The following ANK3 variants were observed in gnomAD, a reference collection of about 807,000 sequenced individuals.
ANK3 encodes ankyrin 3.
In ANK3, 57 loss-of-function variants were observed where a neutral mutation model predicts 370.9. The observed-to-expected ratio is 0.15, with a 90% CI of 0.12 to 0.19. The LOEUF (loss-of-function observed/expected upper bound fraction) is 0.19, where lower values mean the gene tolerates loss of function less well. Among genes scored for constraint, ANK3 ranks in the 10% least tolerant of loss-of-function variants. ANK3 has a pLI of 1.00. For synonymous variants in ANK3, 1,929 were observed against 1,946.3 expected, an observed-to-expected ratio of 0.99 and a Z score of 0.23; for missense variants, 4,439 against 5,302.1, an observed-to-expected ratio of 0.84 and a Z score of 5.06.
intron 1 of ANK3, among the ~76,000 whole-genome samples, chr10:60,332,904 T>C (rs1020403946): frequency 6.6e-6 from 1 of 152,180 alleles, no homozygotes; most frequent in South Asian, 2.1e-4. Flanking sequence ...GGAGGATTAA[T>C]AGAAATAAGA....
At chr10:60,602,485 C>T (rs1430744438) in intron 2 of ANK3, among the ~76,000 whole-genome samples, 1 of 152,112 alleles carries the variant, frequency 6.6e-6, no homozygotes, top group African/African-American at 2.4e-5. Flanking sequence ...TTGGAATTAT[C>T]CCCAAGGATA....
intron 2 of ANK3, among the ~76,000 whole-genome samples, chr10:60,493,437 G>T (rs1228360802): frequency 6.6e-6 from 1 of 152,120 alleles, no homozygotes; most frequent in East Asian, 1.9e-4. Flanking sequence ...ATGAGCACAA[G>T]AGAAGGGAAG....
Position 60,261,914 on chromosome 10 carries a change from A to G in ANK3, c.743T>C (p.Ile248Thr), listed in dbSNP as rs1367665291. The change falls in exon 7 of 44, where the codon ATC becomes ACC. Residue 248 changes from isoleucine (I) to threonine (T), a missense_variant. By Grantham distance (89) the Ile-to-Thr change is moderately conservative (BLOSUM62 -1). This residue lies in a region of ANK3 where 227 missense variants were observed against 377.6 expected (regional missense o/e 0.60). Transcript: ENST00000280772. ...PLHIAAHYGN[I>T]NVATLLLNRA... ...GTTTAACAGCAACGTGGCTACATTG[A>G]TATTTCCATAGTGAGCAGCTATGTG... The G allele has an allele frequency of 1.2e-6, 2 of 1,614,122 alleles. No individual in the cohort carries two copies. The highest frequency in any genetic ancestry group is 1.7e-6 in the Non-Finnish European group (2 of 1,179,982).
rs908693546 is a variant in ANK3, at chr10:60,694,115, G to A, written c.57+39148C>T. Among the ~76,000 whole-genome samples the A allele has an allele frequency of 4.7e-4, 71 of 152,228 alleles. 1 individual carries two copies. The highest frequency in any genetic ancestry group is 1.7e-3 in the African/African-American group (69 of 41,522). The stretch of plus-strand genomic sequence containing the variant: ...TATGTGAAGAATGCAGAAGCCTCAG[G>A]AGCCGATGCGATCAACTGGAAGAAA... On this transcript the variant is annotated intron_variant, in intron 1 of 43. Transcript: ENST00000373827.
At chr10:60,346,787 A>G (rs7096426) in intron 1 of ANK3, among the ~76,000 whole-genome samples, 105,845 of 151,614 alleles carry the variant, frequency 0.7, 38,220 homozygotes, top group South Asian at 0.91. Context: ...AACTAACTTC[A>G]TTTTACCAAT....
intron 23 of ANK3, among the ~76,000 whole-genome samples, chr10:60,163,620 AG>A: frequency 6.6e-6 from 1 of 152,358 alleles, no homozygotes; most frequent in East Asian, 1.9e-4. Flanking sequence ...AAGAAGAAAA[AG>A]GAAAAGAGAA....
chr10:60,256,904 T>A (rs969122520), intron 7 of ANK3, among the ~76,000 whole-genome samples: 5 of 152,240 alleles, frequency 3.3e-5, no homozygotes, highest in Middle Eastern at 3.2e-3. Flanking sequence ...TCTGTGTCTT[T>A]GCTATCATAA....
chr10:60,337,034 A>ACC (rs202227829), intron 1 of ANK3, among the ~76,000 whole-genome samples: 1 of 151,784 alleles, frequency 6.6e-6, no homozygotes, highest in Non-Finnish European at 1.5e-5. Context: ...TTTAAAAAAA[A>ACC]AAACAAACAG....
chr10:60,459,130 G>C (rs1428978914), intron 2 of ANK3, among the ~76,000 whole-genome samples: 1 of 152,096 alleles, frequency 6.6e-6, no homozygotes, highest in African/African-American at 2.4e-5. Flanking sequence ...GGCTTACGAG[G>C]AACAAATATA....
At chr10:60,172,661 T>TC (rs2095824111) in intron 20 of ANK3, among the ~76,000 whole-genome samples, 2 of 152,206 alleles carry the variant, frequency 1.3e-5, no homozygotes, top group Admixed American at 1.3e-4. Context: ...TTTTTTTTTC[T>TC]TACATGTGTA....
chr10:60,123,928 T>G (rs1378971487), intron 25 of ANK3, among the ~76,000 whole-genome samples: 2 of 152,110 alleles, frequency 1.3e-5, no homozygotes, highest in Non-Finnish European at 2.9e-5. Context: ...ACACGAAGAA[T>G]AAGATGACTT....
intron 2 of ANK3, among the ~76,000 whole-genome samples, chr10:60,465,590 G>T (rs2064991352): frequency 6.6e-6 from 1 of 152,138 alleles, no homozygotes; most frequent in African/African-American, 2.4e-5. Context: ...GAGTAAGAAA[G>T]TGTGACTAGA....
intron 2 of ANK3, among the ~76,000 whole-genome samples, chr10:60,503,431 A>G (rs1391703634): frequency 6.6e-6 from 1 of 152,190 alleles, no homozygotes; most frequent in Non-Finnish European, 1.5e-5. Flanking sequence ...TAGCCCCATA[A>G]GGCCAAGGTC....
intron 1 of ANK3, among the ~76,000 whole-genome samples, chr10:60,688,696 C>T (rs1479220678): frequency 6.6e-6 from 1 of 152,116 alleles, no homozygotes; most frequent in African/African-American, 2.4e-5. Context: ...TGCCTGTAAT[C>T]CCAGCACTTT....
intron 1 of ANK3, among the ~76,000 whole-genome samples, chr10:60,388,106 T>C (rs533527910): frequency 9.0e-4 from 137 of 152,296 alleles, no homozygotes; most frequent in Non-Finnish European, 1.7e-3. Context: ...TCATAACAAC[T>C]GTGCTGTGCA....
chr10:60,338,594 A>T (rs899001940), intron 1 of ANK3, among the ~76,000 whole-genome samples: 12 of 152,176 alleles, frequency 7.9e-5, no homozygotes, highest in African/African-American at 2.9e-4. Flanking sequence ...AAATTCAAGG[A>T]TGTGTATGAC....
At position 60,256,096 on chromosome 10, in the gene ANK3, C is replaced by T. The variant is rs1167814765; in HGVS notation, c.798+5763G>A. 2.6e-5 allele frequency among the ~76,000 whole-genome samples: 4 copies of T among 152,202 alleles called. 1 individual carries two copies. ...ACAGAGGACCTATCCTTCAGCTTTG[C>T]CTTTCTGCTTTCAACTCCTTTCATC... On this transcript the variant is annotated intron_variant, in intron 7 of 43. Transcript: ENST00000280772.
chr10:60,638,635 C>A (rs1263190665), intron 1 of ANK3, among the ~76,000 whole-genome samples: 5 of 151,846 alleles, frequency 3.3e-5, no homozygotes, highest in Non-Finnish European at 5.9e-5. Flanking sequence ...TATAAATATT[C>A]TCAAGCCTAT....
intron 1 of ANK3, among the ~76,000 whole-genome samples, chr10:60,366,982 C>T (rs770934435): frequency 7.9e-5 from 12 of 152,272 alleles, no homozygotes; most frequent in Admixed American, 3.3e-4. Flanking sequence ...TATAGTACTG[C>T]GTGAACATTT....
Sources: gnomAD v4.1 joint callset for allele counts (sites outside exome capture counted in the v4.1 genomes callset) on GRCh38, gnomAD v4.1.1 for gene constraint, gnomAD v4.1.1 regional missense constraint, MANE v1.5 for transcripts, NCBI Gene and HGNC (gene_info 2026-07-23, HGNC 2026-07-21) for gene names.